The following AHCY variants were observed in gnomAD, a reference collection of about 807,000 sequenced individuals.
The protein encoded by AHCY is adenosylhomocysteinase, also known as S-adenosyl-L-homocysteine hydrolase.
A neutral mutation model predicts 45.4 loss-of-function variants in AHCY; 24 were observed. The ratio of observed to expected loss-of-function variants is 0.53; its 90% CI spans 0.38 to 0.74. The LOEUF (loss-of-function observed/expected upper bound fraction) is 0.74. Ranked by LOEUF, AHCY falls within the 30% of genes least tolerant of loss-of-function variation. AHCY has a pLI of 0.00. For missense variants in AHCY, 449 were observed against 594.1 expected (o/e 0.76, Z 2.54); for synonymous variants, 245 against 235.1 (o/e 1.04, Z -0.39).
the AHCY span, among the ~76,000 whole-genome samples, chr20:34,234,502 CTCCT>C: frequency 0.14 from 20,915 of 151,120 alleles, 1,467 homozygotes; most frequent in South Asian, 0.2. Flanking sequence ...CTTTTCTTTT[CTCCT>C]TCCTTCCTTC....
the AHCY span, among the ~76,000 whole-genome samples, chr20:34,256,750 C>T: frequency 6.6e-6 from 1 of 152,124 alleles, no homozygotes; most frequent in Non-Finnish European, 1.5e-5. Flanking sequence ...TTATAACATG[C>T]CTCTTGTAAC....
the AHCY span, among the ~76,000 whole-genome samples, chr20:34,238,247 C>A: frequency 6.6e-6 from 1 of 151,990 alleles, no homozygotes; most frequent in African/African-American, 2.4e-5. Context: ...TTTTTTCTCT[C>A]TTCTCCTTCT....
At chr20:34,236,081 A>G in the AHCY span, among the ~76,000 whole-genome samples, 4 of 143,590 alleles carry the variant, frequency 2.8e-5, no homozygotes, top group Non-Finnish European at 6.1e-5. Context: ...AAAGAGAAAG[A>G]GAAGGAAGGA....
Position 34,290,162 on chromosome 20 carries a change from C to T in AHCY, c.972+170G>A, listed in dbSNP as rs1273614296. Among the ~76,000 whole-genome samples, 1 of 152,204 alleles carries T rather than the reference C, an allele frequency of 6.6e-6. No homozygotes were observed. Among genetic ancestry groups the T allele is most frequent in the Non-Finnish European group, 1.5e-5 (1 of 68,038 alleles). On this transcript the variant is annotated intron_variant, in intron 8 of 9. Coordinates refer to ENST00000217426, the MANE Select transcript of AHCY (RefSeq NM_000687.4). The surrounding 1 kb of genome is among the most constrained non-coding windows in gnomAD (Gnocchi z 4.5). The stretch of plus-strand genomic sequence containing the variant: ...ACCTGCCTGATACCTTCAGGGATGC[C>T]GGCTGCCCACAGGATAAGGTTGCCA...
chr20:34,282,886 G>A (rs534161252), intron 9 of AHCY, among the ~76,000 whole-genome samples: 3 of 152,256 alleles, frequency 2.0e-5, no homozygotes, highest in Admixed American at 2.0e-4. Context: ...ATGGCATGGC[G>A]GCCTCTGACC....
At chr20:34,267,774 G>A in the AHCY span, among the ~76,000 whole-genome samples, 5 of 151,136 alleles carry the variant, frequency 3.3e-5, no homozygotes, top group East Asian at 1.9e-4. Flanking sequence ...CAGGTGATCC[G>A]CCTGCCTAGG....
chr20:34,234,910 GT>G, the AHCY span: 17,622 of 152,122 alleles, frequency 0.12, 1,074 homozygotes, highest in South Asian at 0.19. Flanking sequence ...CGCATCTCTT[GT>G]TTGCACATTA....
chr20:34,265,968 G>C, the AHCY span, among the ~76,000 whole-genome samples: 29 of 152,088 alleles, frequency 1.9e-4, no homozygotes, highest in African/African-American at 4.8e-4. Context: ...AAAAGCGGAG[G>C]GGGGGAAGTT....
At chr20:34,233,425 G>A in the AHCY span, among the ~76,000 whole-genome samples, 1 of 152,110 alleles carries the variant, frequency 6.6e-6, no homozygotes, top group African/African-American at 2.4e-5. Context: ...GGGATTACAG[G>A]TGTGAGCCAC....
the AHCY span, among the ~76,000 whole-genome samples, chr20:34,270,881 C>T: frequency 1.1e-3 from 161 of 152,322 alleles, no homozygotes; most frequent in African/African-American, 3.7e-3. Flanking sequence ...TGGTCTCAAA[C>T]TCCTGGCCTC....
chr20:34,245,956 C>G, the AHCY span: 1 of 1,497,538 alleles, frequency 6.7e-7, no homozygotes, highest in African/African-American at 1.4e-5. Flanking sequence ...TTCAAATTCA[C>G]TTCTTTACTT....
the AHCY span, among the ~76,000 whole-genome samples, chr20:34,245,333 CAAAAAAAA>C: frequency 6.3e-5 from 4 of 63,612 alleles, no homozygotes; most frequent in Admixed American, 1.8e-4. Flanking sequence ...GACTCTGTCT[CAAAAAAAA>C]AAAAAAAAAG....
chr20:34,245,679 A>G, the AHCY span, among the ~76,000 whole-genome samples: 3 of 151,916 alleles, frequency 2.0e-5, no homozygotes, highest in Non-Finnish European at 4.4e-5. Flanking sequence ...GTGAGCCACC[A>G]CGCCCAGCAA....
At chr20:34,251,924 A>G in the AHCY span, among the ~76,000 whole-genome samples, 4 of 152,298 alleles carry the variant, frequency 2.6e-5, no homozygotes, top group Admixed American at 2.6e-4. Context: ...GAACCATGAG[A>G]AATAAATTTC....
At position 34,280,892 on chromosome 20, in the gene AHCY, C is replaced by G. The variant is rs1187181852; in HGVS notation, c.*142G>C. On this transcript the variant is annotated 3_prime_UTR_variant, in exon 10 of 10. Transcript: ENST00000217426. ...AACAGTATGACGGCTGCAGCAGAGG[C>G]CAAAAACTAAGTGATCAGCCCCAGA... 1.5e-6 allele frequency: 2 copies of G among 1,338,222 alleles called. No homozygotes were observed. The highest frequency in any genetic ancestry group is 5.0e-5 in the East Asian group (2 of 39,878). 82.9% of individuals were successfully genotyped at this position (1,338,222 alleles called of 1,614,324 possible).
the AHCY span, among the ~76,000 whole-genome samples, chr20:34,240,841 T>C: frequency 6.6e-6 from 1 of 152,176 alleles, no homozygotes; most frequent in African/African-American, 2.4e-5. Flanking sequence ...AACCTCAATG[T>C]CAACATCAAT....
the AHCY span, chr20:34,269,163 G>T: frequency 6.6e-7 from 1 of 1,526,392 alleles, no homozygotes; most frequent in Non-Finnish European, 8.8e-7. Context: ...AGCCTCAACT[G>T]CTGAGCGCCC....
At chr20:34,291,372 T>C (rs754894862) in intron 5 of AHCY, 47 bp downstream of exon 5, 2 of 1,537,822 alleles carry the variant, frequency 1.3e-6, no homozygotes, top group Non-Finnish European at 1.8e-6. Context: ...GGCCTCGTCC[T>C]GAGCTGCAGC....
the AHCY span, chr20:34,246,246 C>T: frequency 5.9e-6 from 9 of 1,531,844 alleles, no homozygotes; most frequent in Non-Finnish European, 7.9e-6. Flanking sequence ...TGGCCTCTTC[C>T]ACCTCTCTTC....
Sources: gnomAD v4.1 joint callset for allele counts (sites outside exome capture counted in the v4.1 genomes callset) on GRCh38, gnomAD v4.1.1 for gene constraint, Gnocchi (gnomAD v3.1) non-coding constraint, MANE v1.5 for transcripts, NCBI Gene and HGNC (gene_info 2026-07-23, HGNC 2026-07-21) for gene names.